Variants in SLIT3 observed in about 807,000 individuals in gnomAD.
The protein encoded by SLIT3 is slit homolog 3 protein.
In SLIT3, 68 loss-of-function variants were observed where a neutral mutation model predicts 184.0. That is an observed-to-expected ratio of 0.37 (90% CI 0.30 to 0.45). The LOEUF is 0.45. Among genes scored for constraint, SLIT3 ranks in the 20% least tolerant of loss-of-function variants. The pLI is 1.00. For missense variants in SLIT3, 1,707 were observed against 2,026.0 expected, an observed-to-expected ratio of 0.84 and a Z score of 3.02; for synonymous variants, 831 against 828.6, an observed-to-expected ratio of 1.00 and a Z score of -0.05.
At position 168,762,519 on chromosome 5, in the gene SLIT3, C is replaced by A; in HGVS notation, c.1610+20G>T. On this transcript the variant is annotated intron_variant, in intron 15 of 35. Coordinates refer to ENST00000519560, the MANE Select transcript of SLIT3 (RefSeq NM_003062.4). ...GGCGTGTGGGGAGGAGTAGGGAGTTCACGCCGAGGTTGGACTTACAGGTCG... is the reference window on the plus strand; with the variant it reads ...GGCGTGTGGGGAGGAGTAGGGAGTTAACGCCGAGGTTGGACTTACAGGTCG... 6.2e-7 allele frequency: 1 copy of A among 1,608,752 alleles called. No individual in the cohort carries two copies. The highest frequency in any genetic ancestry group is 8.5e-7 in the Non-Finnish European group (1 of 1,175,606).
intron 5 of SLIT3, chr5:168,844,868 G>T: frequency 1.3e-5 from 6 of 458,600 alleles, no homozygotes; most frequent in South Asian, 7.4e-5. Context: ...CCAAAAGGCT[G>T]TCAGGTCTCA....
At chr5:169,250,554 T>G (rs1298882453) in intron 2 of SLIT3, among the ~76,000 whole-genome samples, 1 of 152,194 alleles carries the variant, frequency 6.6e-6, no homozygotes, top group East Asian at 1.9e-4. Context: ...ATTTATTATA[T>G]AGGGCTATTA....
intron 1 of SLIT3, among the ~76,000 whole-genome samples, chr5:169,256,615 C>T (rs2113604828): frequency 6.6e-6 from 1 of 152,262 alleles, no homozygotes; most frequent in South Asian, 2.1e-4. Flanking sequence ...CATTTTATAA[C>T]AATAGAGAGG....
At chr5:168,968,283 C>T (rs142082752) in intron 4 of SLIT3, among the ~76,000 whole-genome samples, 5 of 152,292 alleles carry the variant, frequency 3.3e-5, no homozygotes, top group South Asian at 4.1e-4. Context: ...CCCAACACAA[C>T]GTGTAAATCT....
At chr5:169,081,986 A>AC (rs35466283) in intron 4 of SLIT3, among the ~76,000 whole-genome samples, 8 of 151,674 alleles carry the variant, frequency 5.3e-5, no homozygotes, top group African/African-American at 9.7e-5. Flanking sequence ...CTGACTCCAG[A>AC]CCCCCCCACA....
chr5:168,932,224 C>T (rs1762006240), intron 4 of SLIT3, among the ~76,000 whole-genome samples: 1 of 150,276 alleles, frequency 6.7e-6, no homozygotes. Context: ...CAACTCCCTA[C>T]CCATTCCTGA....
At chr5:169,137,675 A>C (rs12654605) in intron 4 of SLIT3, among the ~76,000 whole-genome samples, 16,164 of 151,864 alleles carry the variant, frequency 0.11, 1,815 homozygotes, top group East Asian at 0.43. Context: ...ATACGGTGCC[A>C]CATAGCGCCA....
chr5:169,257,397 C>T (rs1765996570), intron 1 of SLIT3, among the ~76,000 whole-genome samples: 1 of 150,312 alleles, frequency 6.7e-6, no homozygotes, highest in Admixed American at 6.6e-5. Flanking sequence ...CCACCCCGCC[C>T]CACAACCATT....
At chr5:168,725,480 T>A (rs1323365210) in intron 20 of SLIT3, among the ~76,000 whole-genome samples, 1 of 152,220 alleles carries the variant, frequency 6.6e-6, no homozygotes, top group East Asian at 1.9e-4. Flanking sequence ...AGAACTGCTT[T>A]GATCTCCTTG....
intron 16 of SLIT3, among the ~76,000 whole-genome samples, chr5:168,759,657 C>T (rs915514180): frequency 3.9e-5 from 6 of 152,188 alleles, no homozygotes; most frequent in African/African-American, 9.7e-5. Flanking sequence ...CAGCTGAGAA[C>T]GTGGGTGTGG....
intron 1 of SLIT3, among the ~76,000 whole-genome samples, chr5:169,256,064 A>T (rs1765951218): frequency 6.6e-6 from 1 of 152,166 alleles, no homozygotes; most frequent in Non-Finnish European, 1.5e-5. Context: ...CAGTCCTGCA[A>T]GCTCCATTCA....
chr5:169,178,173 A>C (rs78973905), intron 4 of SLIT3, among the ~76,000 whole-genome samples: 4,625 of 152,270 alleles, frequency 0.03, 92 homozygotes, highest in South Asian at 0.096. Context: ...GCTGGCCCAA[A>C]CCAGGGAAGC....
chr5:169,230,976 TTTTA>T (rs1764982132), intron 3 of SLIT3, among the ~76,000 whole-genome samples: 1 of 152,154 alleles, frequency 6.6e-6, no homozygotes, highest in Non-Finnish European at 1.5e-5. Flanking sequence ...GCTACATTTG[TTTTA>T]TTTTATTTAC....
intron 4 of SLIT3, among the ~76,000 whole-genome samples, chr5:169,074,812 C>G (rs1758677791): frequency 6.6e-6 from 1 of 152,162 alleles, no homozygotes; most frequent in African/African-American, 2.4e-5. Flanking sequence ...TTGTTGCAAA[C>G]AGCTGAAGCA....
intron 4 of SLIT3, among the ~76,000 whole-genome samples, chr5:169,143,643 T>A (rs10036857): frequency 1.3e-5 from 2 of 152,032 alleles, no homozygotes; most frequent in African/African-American, 4.8e-5. Flanking sequence ...TACTAAAAAA[T>A]ACAAAAAATT....
At chr5:169,267,554 T>C (rs1020229298) in intron 1 of SLIT3, among the ~76,000 whole-genome samples, 7 of 152,240 alleles carry the variant, frequency 4.6e-5, no homozygotes, top group African/African-American at 1.7e-4. Flanking sequence ...GTTGATGTAC[T>C]TCACTTATAC....
At chr5:168,845,011 GC>G (rs1413743221) in intron 5 of SLIT3, among the ~76,000 whole-genome samples, 1 of 150,550 alleles carries the variant, frequency 6.6e-6, no homozygotes, top group Non-Finnish European at 1.5e-5. Flanking sequence ...TAAGCTAAAG[GC>G]CTGTAAATCA....
chr5:168,770,479 C>T (rs1452657126), intron 14 of SLIT3, among the ~76,000 whole-genome samples: 1 of 152,096 alleles, frequency 6.6e-6, no homozygotes, highest in Non-Finnish European at 1.5e-5. Flanking sequence ...TTTTTCTTTC[C>T]CTCCAAGGCC....
chr5:168,707,398 A>C, intron 26 of SLIT3: 1 of 154,882 alleles, frequency 6.5e-6, no homozygotes, highest in Non-Finnish European at 1.4e-5. Flanking sequence ...AGAAGGAAGG[A>C]CTGTCTTGGA....
Sources: allele counts gnomAD v4.1 joint callset (sites outside exome capture counted in the v4.1 genomes callset), GRCh38; gene constraint gnomAD v4.1.1; transcripts MANE v1.5; gene names NCBI Gene and HGNC (gene_info 2026-07-23, HGNC 2026-07-21).